Variants in POLI observed in about 807,000 individuals in gnomAD.
POLI encodes RAD30 homolog B.
POLI carries 58 observed loss-of-function variants against 51.6 expected under a neutral mutation model. The ratio of observed to expected loss-of-function variants is 1.12; its 90% confidence interval spans 0.91 to 1.40. The LOEUF is 1.40. Ranked by LOEUF, POLI falls within the 40% of genes most tolerant of loss-of-function variation. POLI has a pLI of 0.00. For missense variants in POLI, 921 were observed against 871.3 expected (o/e 1.06, Z -0.72); for synonymous variants, 322 against 299.7 (o/e 1.07, Z -0.77).
downstream of POLI, among the ~76,000 whole-genome samples, chr18:54,298,859 T>TA (rs1469448585): frequency 6.6e-6 from 1 of 152,042 alleles, no homozygotes; most frequent in Non-Finnish European, 1.5e-5. Context: ...AGTGCTGAGA[T>TA]ACAGGTGTGA....
chr18:54,311,134 ACTT>A (rs1007908194), intron 3 of POLI: 50 of 980,512 alleles, frequency 5.1e-5, no homozygotes, highest in African/African-American at 1.0e-4. Context: ...CCACCCTGCC[ACTT>A]CTTCTTGAAA....
intron 3 of POLI, among the ~76,000 whole-genome samples, chr18:54,317,939 TA>T (rs2088755357): frequency 6.6e-6 from 1 of 152,192 alleles, no homozygotes; most frequent in African/African-American, 2.4e-5. Context: ...CTATTAATCC[TA>T]AATCAAAGTT....
chr18:54,299,220 A>G (rs556187754), downstream of POLI, among the ~76,000 whole-genome samples: 14 of 152,302 alleles, frequency 9.2e-5, no homozygotes, highest in South Asian at 2.7e-3. Flanking sequence ...GGATTGCCTA[A>G]GCTCAGGAGT....
At chr18:54,270,129 C>T (rs563015650) in intron 1 of POLI, 1 of 699,824 alleles carries the variant, frequency 1.4e-6, no homozygotes, top group African/African-American at 1.9e-5. Flanking sequence ...CCACTTCCAG[C>T]TCTGGTCTTT....
At chr18:54,292,648 A>G (rs184251682) in intron 9 of POLI, among the ~76,000 whole-genome samples, 7 of 152,224 alleles carry the variant, frequency 4.6e-5, no homozygotes, top group Non-Finnish European at 8.8e-5. Context: ...ATTTTTTACT[A>G]AATTGTTCAT....
intron 7 of POLI, among the ~76,000 whole-genome samples, chr18:54,285,342 G>A (rs768608714): frequency 7.2e-5 from 11 of 152,162 alleles, no homozygotes; most frequent in Non-Finnish European, 1.0e-4. Context: ...TCTCTTATTT[G>A]AAGAGTCAAC....
Position 54,277,862 on chromosome 18 carries a change from G to A in POLI, c.559+7G>A, listed in dbSNP as rs757357753. ...CATGTATACAATAATCAGTGTGAGTGGGTTCTTATTCATTCTACCTACTAA... is the reference window on the plus strand; with the variant it reads ...CATGTATACAATAATCAGTGTGAGTAGGTTCTTATTCATTCTACCTACTAA... On this transcript the variant is annotated splice_region_variant and intron_variant, in intron 4 of 9. Transcript: ENST00000579534. 19 of 1,597,610 alleles carry A rather than the reference G, an allele frequency of 1.2e-5. No homozygotes were observed. Among genetic ancestry groups the A allele is most frequent in the Non-Finnish European group, 1.5e-5 (18 of 1,170,660 alleles).
intron 3 of POLI, among the ~76,000 whole-genome samples, chr18:54,311,734 T>C (rs1478552603): frequency 1.3e-5 from 2 of 152,204 alleles, no homozygotes; most frequent in Non-Finnish European, 2.9e-5. Context: ...CACCAAAGTT[T>C]AGGTTTAGCC....
downstream of POLI, among the ~76,000 whole-genome samples, chr18:54,299,603 TAATA>T (rs1274129369): frequency 5.3e-5 from 8 of 151,804 alleles, no homozygotes; most frequent in African/African-American, 1.9e-4. Context: ...AGAGAAAAAA[TAATA>T]AACACAGCAT....
At chr18:54,271,335 TTTTA>T in intron 1 of POLI, 21 bp from the exon 2 acceptor site, 2 of 1,587,668 alleles carry the variant, frequency 1.3e-6, no homozygotes, top group Non-Finnish European at 8.6e-7. Context: ...CTGAATTTCT[TTTTA>T]TTTCTTTGCA....
intron 8 of POLI, among the ~76,000 whole-genome samples, chr18:54,288,107 C>T (rs2087830286): frequency 6.6e-6 from 1 of 152,116 alleles, no homozygotes; most frequent in Non-Finnish European, 1.5e-5. Flanking sequence ...AAGAAGCTGC[C>T]AACTTTTTTC....
At chr18:54,283,460 G>A (rs3730747) in intron 6 of POLI, among the ~76,000 whole-genome samples, 18,346 of 152,024 alleles carry the variant, frequency 0.12, 3,611 homozygotes, top group African/African-American at 0.41. Context: ...ATCAAGGTAG[G>A]TAGTACTGTT....
chr18:54,272,044 A>T (rs1480354263), intron 2 of POLI: 2 of 152,300 alleles, frequency 1.3e-5, no homozygotes, highest in South Asian at 4.1e-4. Context: ...CATTTTTATT[A>T]TTCATATTTT....
At position 54,279,876 on chromosome 18, in the gene POLI, G is replaced by A. The variant is rs368709909; in HGVS notation, c.560-791G>A. On this transcript the variant is annotated intron_variant, in intron 4 of 9. Coordinates refer to ENST00000579534, the MANE Select transcript of POLI (RefSeq NM_007195.3). ...CGTGGTTAAGATTTAGATCTTTAAA[G>A]TATAATGTTAGCTTTCTTGTTATAT... is the stretch of plus-strand genomic sequence containing the variant. Among the ~76,000 whole-genome samples, 309 of 152,304 alleles carry A rather than the reference G, an allele frequency of 2.0e-3. 4 individuals are homozygous for A. In the South Asian group the frequency reaches 0.029, roughly 15 times the overall value.
Position 54,269,639 on chromosome 18 carries a change from G to C in POLI, c.93G>C (p.Val31=), listed in dbSNP as rs376396991. ...CCTGGGCCATGGAACTGGCGGACGT[G>C]GGGGCGGCAGCCAGCTCGCAGGGTG... The part of the protein sequence containing the change: ...AEAWAMELAD[V]GAAASSQGVH... The change falls in exon 1 of 10, where the codon GTG becomes GTC. Residue 31 remains valine, a synonymous_variant. Transcript: ENST00000579534. 6.6e-7 allele frequency: 1 copy of C among 1,509,116 alleles called. No individual in the cohort carries two copies. The highest frequency in any genetic ancestry group is 8.8e-7 in the Non-Finnish European group (1 of 1,131,700). The allele number at this position is 1,509,116 out of a possible 1,614,324, so 93.5% of individuals were successfully genotyped here. A position where few individuals can be genotyped will look rare whatever the true frequency, so the allele number is the denominator to read the frequency against.
chr18:54,273,524 G>C (rs2087101925), intron 2 of POLI, among the ~76,000 whole-genome samples: 1 of 151,354 alleles, frequency 6.6e-6, no homozygotes, highest in Non-Finnish European at 1.5e-5. Flanking sequence ...TATTGATTTA[G>C]GTTCATTTTT....
At chr18:54,287,558 T>C in intron 8 of POLI, 147 bp downstream of exon 8, 1 of 564,922 alleles carries the variant, frequency 1.8e-6, no homozygotes, top group Non-Finnish European at 3.1e-6. Context: ...GAATTTTCAC[T>C]GGAAAACTTT....
intron 4 of POLI, 69 bp from the exon 5 acceptor site, chr18:54,280,598 T>G: frequency 9.7e-7 from 1 of 1,034,936 alleles, no homozygotes; most frequent in African/African-American, 1.6e-5. Context: ...CTCTACCTTT[T>G]AAAAATTATT....
chr18:54,308,752 C>T (rs1461935578), intron 3 of POLI, among the ~76,000 whole-genome samples: 2 of 152,096 alleles, frequency 1.3e-5, no homozygotes, highest in East Asian at 1.9e-4. Flanking sequence ...TCACATAGTC[C>T]CATATTTCTT....
Sources: gnomAD v4.1 joint callset for allele counts (sites outside exome capture counted in the v4.1 genomes callset) on GRCh38, gnomAD v4.1.1 for gene constraint, MANE v1.5 for transcripts, NCBI Gene and HGNC (gene_info 2026-07-23, HGNC 2026-07-21) for gene names.